The following CRADD variants were observed in gnomAD, a reference collection of about 807,000 sequenced individuals.
CRADD encodes CARD and death domain containing adaptor protein.
A neutral mutation model predicts 15.5 loss-of-function variants in CRADD; 9 were observed. The observed-to-expected ratio is 0.58, with a 90% CI of 0.35 to 1.01. CRADD has a LOEUF of 1.01. CRADD is among the 50% of genes least tolerant of loss of function. The pLI, the probability that CRADD is intolerant of heterozygous loss-of-function variation, is 0.02. For synonymous variants in CRADD, 118 were observed against 107.6 expected, an observed-to-expected ratio of 1.10 and a Z score of -0.60; for missense variants, 227 against 250.3, an observed-to-expected ratio of 0.91 and a Z score of 0.63.
In CRADD at chr12:93,795,588, G is replaced by C. The variant is rs150974423; in HGVS notation, c.299-54382G>C. ...TACCCCATCTGAGCAAAGAGCAACA[G>C]AGATCTGTTGGCTCCATTCACTCCT... On this transcript the variant is annotated intron_variant, in intron 2 of 2. Coordinates refer to ENST00000332896, the MANE Select transcript of CRADD (RefSeq NM_003805.5). 2.6e-5 allele frequency among the ~76,000 whole-genome samples: 4 copies of C among 152,300 alleles called. No individual in the cohort carries two copies. In the East Asian group the frequency reaches 7.7e-4, roughly 29 times the overall value.
downstream of CRADD, chr12:93,850,777 TTTTC>T: frequency 1.0e-6 from 1 of 971,776 alleles, no homozygotes; most frequent in Non-Finnish European, 1.2e-6. This position sits in a 1 kb window ranked among gnomAD's most constrained non-coding sequence, Gnocchi z 4.0. Flanking sequence ...GGGTTTTTTT[TTTTC>T]TTTCTCATTC....
At chr12:93,815,573 T>A (rs1049655873) in intron 2 of CRADD, 4 of 152,270 alleles carry the variant, frequency 2.6e-5, no homozygotes, top group African/African-American at 9.6e-5. Context: ...TCTATGGATT[T>A]TATACCAGAT....
chr12:93,681,016 C>T (rs2136788719), intron 2 of CRADD, among the ~76,000 whole-genome samples: 1 of 152,208 alleles, frequency 6.6e-6, no homozygotes, highest in South Asian at 2.1e-4. Flanking sequence ...TCCCGAGTAG[C>T]TGGGATTACA....
chr12:93,717,772 T>C (rs1219703221), intron 2 of CRADD, among the ~76,000 whole-genome samples: 1 of 152,146 alleles, frequency 6.6e-6, no homozygotes, highest in Non-Finnish European at 1.5e-5. Flanking sequence ...CCACCCACCT[T>C]GGGCTCCCCA....
At chr12:93,841,653 C>A (rs1374672178) in intron 2 of CRADD, among the ~76,000 whole-genome samples, 1 of 152,186 alleles carries the variant, frequency 6.6e-6, no homozygotes, top group Non-Finnish European at 1.5e-5. Context: ...TCCTCCTACC[C>A]CGTGGGAAGA....
chr12:93,850,855 T>A, downstream of CRADD: 1 of 477,060 alleles, frequency 2.1e-6, no homozygotes, highest in Non-Finnish European at 2.7e-6. The surrounding 1 kb of genome is among the most constrained non-coding windows in gnomAD (Gnocchi z 4.0). Context: ...GGAACAGAAT[T>A]AATAGTAACA....
intron 2 of CRADD, among the ~76,000 whole-genome samples, chr12:93,703,670 T>TA (rs1955884416): frequency 6.6e-6 from 1 of 152,052 alleles, no homozygotes; most frequent in Non-Finnish European, 1.5e-5. Flanking sequence ...CCTCTTTTTT[T>TA]AAAAAATAAT....
intron 2 of CRADD, 67 bp from the exon 3 acceptor site, chr12:93,849,903 A>G (rs1958189514): frequency 1.1e-6 from 1 of 950,068 alleles, no homozygotes; most frequent in African/African-American, 1.6e-5. Flanking sequence ...CACGATTCTC[A>G]TTTCTGCCCC....
intron 2 of CRADD, among the ~76,000 whole-genome samples, chr12:93,751,306 G>C (rs1956826612): frequency 6.6e-6 from 1 of 152,182 alleles, no homozygotes; most frequent in African/African-American, 2.4e-5. Context: ...TCTGTCACCA[G>C]CTGATGCCCT....
intron 2 of CRADD, among the ~76,000 whole-genome samples, chr12:93,846,051 A>T (rs1277856771): frequency 6.6e-6 from 1 of 151,482 alleles, no homozygotes; most frequent in African/African-American, 2.4e-5. Context: ...TCCTTTTGTG[A>T]CTGGCTTATT....
chr12:93,878,642 G>T (rs115427880), intron 2 of CRADD, among the ~76,000 whole-genome samples: 1 of 152,164 alleles, frequency 6.6e-6, no homozygotes, highest in South Asian at 2.1e-4. Context: ...TGGTGGTGAG[G>T]TTTGTGGGAA....
At chr12:93,690,642 T>C (rs11107154) in intron 2 of CRADD, among the ~76,000 whole-genome samples, 38,402 of 152,190 alleles carry the variant, frequency 0.25, 5,267 homozygotes, top group East Asian at 0.4. Flanking sequence ...ACTACTGTTA[T>C]CATTTGCATT....
chr12:93,864,453 C>T (rs4258423), intron 2 of CRADD, among the ~76,000 whole-genome samples: 52,568 of 151,980 alleles, frequency 0.35, 10,707 homozygotes, highest in Middle Eastern at 0.47. Flanking sequence ...TTAGCATGAG[C>T]CATATAAGGG....
At chr12:93,845,488 C>G (rs1958102560) in intron 2 of CRADD, among the ~76,000 whole-genome samples, 1 of 152,038 alleles carries the variant, frequency 6.6e-6, no homozygotes, top group South Asian at 2.1e-4. Flanking sequence ...CTTTGGGAGG[C>G]TGGGTCACGA....
chr12:93,892,517 T>C (rs1958583156), intron 2 of CRADD, among the ~76,000 whole-genome samples: 1 of 152,154 alleles, frequency 6.6e-6, no homozygotes, highest in African/African-American at 2.4e-5. Context: ...CTGCCTTTTC[T>C]GACCCTTCTT....
chr12:93,778,854 G>T (rs922575842), intron 2 of CRADD, among the ~76,000 whole-genome samples: 2 of 152,110 alleles, frequency 1.3e-5, no homozygotes, highest in East Asian at 3.9e-4. Context: ...ATTCACAGGA[G>T]AACTCAACAA....
rs1467587254 is a variant in CRADD at position 93,765,823 on chromosome 12, A to T, written c.299-84147A>T. 4.6e-5 allele frequency among the ~76,000 whole-genome samples: 7 copies of T among 151,196 alleles called. No individual in the cohort carries two copies. The Admixed American group carries it at 4.6e-4, about 10-fold the overall frequency. ...TTTAGAAAAAAACTAAGGGAAAAAT[A>T]CTAAAGCTGAGAATGTTTTATTAAG... is the stretch of plus-strand genomic sequence containing the variant. On this transcript the variant is annotated intron_variant, in intron 2 of 2. Transcript: ENST00000332896.
chr12:93,839,160 C>T (rs558278881), intron 2 of CRADD, among the ~76,000 whole-genome samples: 1 of 152,260 alleles, frequency 6.6e-6, no homozygotes, highest in Non-Finnish European at 1.5e-5. Context: ...TCCATCCCCT[C>T]TAACTCTGCC....
chr12:93,764,449 T>C (rs1310959335), intron 2 of CRADD, among the ~76,000 whole-genome samples: 1 of 152,146 alleles, frequency 6.6e-6, no homozygotes, highest in Non-Finnish European at 1.5e-5. Flanking sequence ...AGCTGGTTGG[T>C]TGGTGGCGCT....
Sources: gnomAD v4.1 joint callset for allele counts (sites outside exome capture counted in the v4.1 genomes callset) on GRCh38, gnomAD v4.1.1 for gene constraint, Gnocchi (gnomAD v3.1) non-coding constraint, MANE v1.5 for transcripts, NCBI Gene and HGNC (gene_info 2026-07-23, HGNC 2026-07-21) for gene names.